JAK1: variants seen among roughly 807,000 people sequenced by gnomAD.
The protein encoded by JAK1 is Janus kinase 1.
JAK1 carries 16 observed loss-of-function variants against 136.6 expected under a neutral mutation model. The ratio of observed to expected loss-of-function variants is 0.12; its 90% CI spans 0.08 to 0.18. JAK1 has a LOEUF of 0.18. Among genes scored for constraint, JAK1 ranks in the 10% least tolerant of loss-of-function variants. The pLI is 1.00. For missense variants in JAK1, 859 were observed against 1,450.1 expected (o/e 0.59, Z 6.62); for synonymous variants, 492 against 519.5 (o/e 0.95, Z 0.72).
rs866769362 is a variant in JAK1 at position 64,985,564 on chromosome 1, G to A, written c.-78+58916C>T. On this transcript the variant is annotated intron_variant, in intron 2 of 25. Coordinates refer to the JAK1 transcript ENST00000671954. ...ACAGGCCATAGGTCTTCAGACCCCA[G>A]GATGAATTCCAGATCAAAGATCTGG... 8.6e-6 allele frequency: 10 copies of A among 1,157,500 alleles called. 1 individual carries two copies. The Middle Eastern group carries it at 2.0e-3, about 232-fold the overall frequency. 71.7% of individuals were successfully genotyped at this position (1,157,500 alleles called of 1,614,324 possible). A position where few individuals can be genotyped will look rare whatever the true frequency, so the allele number is the denominator to read the frequency against.
chr1:64,931,766 G>A lies in JAK1; in HGVS notation c.-78+34567C>T, dbSNP rs576077668. 3.3e-5 allele frequency among the ~76,000 whole-genome samples: 5 copies of A among 152,050 alleles called. No individual in the cohort carries two copies. In the East Asian group the frequency reaches 9.7e-4, roughly 29 times the overall value. On this transcript the variant is annotated intron_variant, in intron 1 of 24. Transcript: ENST00000342505. ...AACTATCGGGAGGCACTCTGGTAAG[G>A]GAATAAAAAGAGCCAAAAAATAGGA... is the stretch of plus-strand genomic sequence containing the variant.
At chr1:65,032,545 T>C (rs1237194401) in intron 2 of JAK1, among the ~76,000 whole-genome samples, 1 of 152,114 alleles carries the variant, frequency 6.6e-6, no homozygotes, top group Non-Finnish European at 1.5e-5. Flanking sequence ...CTAAAGGAAA[T>C]ACAATGAATC....
rs1327974922 is a variant in JAK1 at position 64,847,628 on chromosome 1, G to A, written c.1803C>T (p.Thr601=). ...RGTRTHIYSG[T]LMDYKDDEGT... is the part of the protein sequence containing the mutation. ...CTTCGTCATCCTTGTAATCCATCAG[G>A]GTCCCAGAATAGATGTGTGTTCTCG... Residue 601 remains threonine, a synonymous_variant, in exon 13 of 25, where the codon ACC becomes ACT. Coordinates refer to ENST00000342505, the MANE Select transcript of JAK1 (RefSeq NM_002227.4). 2 of 1,613,936 alleles carry A rather than the reference G, an allele frequency of 1.2e-6. No individual in the cohort carries two copies. Among genetic ancestry groups the A allele is most frequent in the African/African-American group, 2.7e-5 (2 of 74,880 alleles).
At chr1:65,038,203 T>C (rs1018613658) in intron 2 of JAK1, among the ~76,000 whole-genome samples, 9 of 149,976 alleles carry the variant, frequency 6.0e-5, no homozygotes, top group African/African-American at 9.9e-5. Flanking sequence ...CTTTTCTTTT[T>C]TTTTTTTTTT....
chr1:64,942,348 T>C (rs891193473), intron 1 of JAK1: 2 of 152,202 alleles, frequency 1.3e-5, no homozygotes, highest in Non-Finnish European at 2.9e-5. Flanking sequence ...CATGACACTT[T>C]TGGCACAGGC....
At chr1:65,035,275 T>C (rs1247416945) in intron 2 of JAK1, among the ~76,000 whole-genome samples, 1 of 152,194 alleles carries the variant, frequency 6.6e-6, no homozygotes, top group African/African-American at 2.4e-5. Context: ...CTAAACCAGC[T>C]TCTTGTGACC....
At chr1:64,845,235 T>C (rs1202410514) in intron 15 of JAK1, among the ~76,000 whole-genome samples, 1 of 152,160 alleles carries the variant, frequency 6.6e-6, no homozygotes, top group Non-Finnish European at 1.5e-5. Context: ...CGTACTGCAC[T>C]GCTTTCAGCC....
At chr1:65,001,313 C>G (rs1251939978) in intron 2 of JAK1, among the ~76,000 whole-genome samples, 1 of 152,200 alleles carries the variant, frequency 6.6e-6, no homozygotes, top group Non-Finnish European at 1.5e-5. Context: ...CCCTTGTTAC[C>G]AAAAGGGGCC....
chr1:64,963,239 T>G (rs553371330), intron 1 of JAK1, among the ~76,000 whole-genome samples: 13 of 152,332 alleles, frequency 8.5e-5, no homozygotes, highest in Middle Eastern at 6.8e-3. Context: ...CTCTGAATCC[T>G]AACTGCTCTT....
chr1:64,898,223 G>T (rs140022446), intron 1 of JAK1, among the ~76,000 whole-genome samples: 117 of 152,328 alleles, frequency 7.7e-4, no homozygotes, highest in Middle Eastern at 3.4e-3. Flanking sequence ...AGCACTGGGA[G>T]AGTCAACATT....
chr1:64,873,972 A>T (rs2101164869), intron 4 of JAK1, among the ~76,000 whole-genome samples: 1 of 152,364 alleles, frequency 6.6e-6, no homozygotes, highest in Admixed American at 6.5e-5. Context: ...CTTACGTGGC[A>T]GTGTTTCCTA....
At chr1:64,955,151 A>G (rs1646161026) in intron 1 of JAK1, among the ~76,000 whole-genome samples, 1 of 152,252 alleles carries the variant, frequency 6.6e-6, no homozygotes, top group African/African-American at 2.4e-5. Context: ...ATCTGTGTTT[A>G]TTCAATAAAC....
intron 1 of JAK1, among the ~76,000 whole-genome samples, chr1:65,061,236 T>C (rs988061777): frequency 4.0e-5 from 6 of 151,864 alleles, no homozygotes; most frequent in Non-Finnish European, 5.9e-5. Flanking sequence ...CTGGGCAACA[T>C]AGTGGAAGCC....
At position 64,870,057 on chromosome 1, in the gene JAK1, A is replaced by G. The variant is rs1021471443; in HGVS notation, c.484-583T>C. Among the ~76,000 whole-genome samples the G allele has an allele frequency of 2.6e-5, 4 of 152,188 alleles. No individual in the cohort carries two copies. The East Asian group carries it at 5.8e-4, about 22-fold the overall frequency. ...GGAGGTGCACAGCATTCTAAGAACT[A>G]ACGGGAACTTTAAACACAAAAACTA... On this transcript the variant is annotated intron_variant, in intron 5 of 24. Coordinates refer to ENST00000342505, the MANE Select transcript of JAK1 (RefSeq NM_002227.4).
intron 2 of JAK1, among the ~76,000 whole-genome samples, chr1:64,977,462 T>TC (rs1414881808): frequency 6.6e-6 from 1 of 151,456 alleles, no homozygotes; most frequent in African/African-American, 2.4e-5. Context: ...ATCTTTTTTT[T>TC]TTTTTTTAGA....
intron 1 of JAK1, among the ~76,000 whole-genome samples, chr1:64,931,193 G>C (rs1645685497): frequency 6.6e-6 from 1 of 152,064 alleles, no homozygotes; most frequent in African/African-American, 2.4e-5. Context: ...CATCGGACTT[G>C]ATATGAAATA....
At chr1:64,884,874 G>A (rs1195764076) in intron 2 of JAK1, among the ~76,000 whole-genome samples, 3 of 152,154 alleles carry the variant, frequency 2.0e-5, no homozygotes, top group Admixed American at 1.3e-4. Flanking sequence ...AGTTCCTTGA[G>A]ATAAGAACTG....
intron 1 of JAK1, among the ~76,000 whole-genome samples, chr1:65,050,773 G>A (rs138901301): frequency 1.3e-5 from 2 of 152,266 alleles, no homozygotes; most frequent in East Asian, 1.9e-4. Flanking sequence ...ACTCTGTTTC[G>A]AAGCCTCACC....
chr1:64,935,694 T>C (rs1370861802), intron 1 of JAK1, among the ~76,000 whole-genome samples: 1 of 152,224 alleles, frequency 6.6e-6, no homozygotes, highest in Non-Finnish European at 1.5e-5. Context: ...TCCCTTGATG[T>C]TTATCCAGCC....
Sources: allele counts gnomAD v4.1 joint callset (sites outside exome capture counted in the v4.1 genomes callset), GRCh38; gene constraint gnomAD v4.1.1; transcripts MANE v1.5; gene names NCBI Gene and HGNC (gene_info 2026-07-23, HGNC 2026-07-21).